The following DAB1 variants were observed in gnomAD, a reference collection of about 807,000 sequenced individuals.
The protein encoded by DAB1 is disabled homolog 1.
Under a neutral mutation model 64.6 loss-of-function variants are expected in DAB1, and 15 were observed. The observed-to-expected ratio is 0.23, with a 90% confidence interval of 0.16 to 0.36. The LOEUF is 0.36. Ranked by LOEUF, DAB1 falls within the 10% of genes least tolerant of loss-of-function variation. DAB1 has a pLI of 1.00. For synonymous variants in DAB1, 235 were observed against 251.9 expected, an observed-to-expected ratio of 0.93 and a Z score of 0.64; for missense variants, 596 against 706.7, an observed-to-expected ratio of 0.84 and a Z score of 1.78.
chr1:58,043,506 A>G (rs1647172249), intron 5 of DAB1, among the ~76,000 whole-genome samples: 1 of 151,986 alleles, frequency 6.6e-6, no homozygotes, highest in Non-Finnish European at 1.5e-5. Flanking sequence ...TTTCAATCTG[A>G]TCCATCTGAC....
intron 4 of DAB1, among the ~76,000 whole-genome samples, chr1:58,264,452 C>T (rs925334523): frequency 6.6e-6 from 1 of 152,106 alleles, no homozygotes; most frequent in Non-Finnish European, 1.5e-5. Flanking sequence ...TAATAGTGGC[C>T]GCTGTAACAA....
At chr1:58,451,117 T>C (rs1645131123) in intron 3 of DAB1, among the ~76,000 whole-genome samples, 1 of 152,216 alleles carries the variant, frequency 6.6e-6, no homozygotes, top group Non-Finnish European at 1.5e-5. Context: ...AGGGATATGA[T>C]TTTGCTCTGT....
intron 6 of DAB1, among the ~76,000 whole-genome samples, chr1:57,745,940 A>AT (rs1648243965): frequency 3.3e-5 from 5 of 152,162 alleles, no homozygotes; most frequent in Non-Finnish European, 7.4e-5. Context: ...CTTAAAGAAG[A>AT]TTTTCATGAA....
intron 5 of DAB1, among the ~76,000 whole-genome samples, chr1:58,091,488 C>T (rs1293449743): frequency 6.6e-6 from 1 of 151,974 alleles, no homozygotes; most frequent in South Asian, 2.1e-4. Context: ...CAATGATAAC[C>T]CTGTGAACTA....
chr1:57,737,770 A>G (rs1390921752), intron 6 of DAB1, among the ~76,000 whole-genome samples: 1 of 152,194 alleles, frequency 6.6e-6, no homozygotes, highest in Non-Finnish European at 1.5e-5. Context: ...GAAGAGTAGC[A>G]GGGAAGAGTA....
intron 5 of DAB1, chr1:58,056,194 G>A (rs1648071283): frequency 6.5e-7 from 1 of 1,533,412 alleles, no homozygotes; most frequent in Admixed American, 1.7e-5. Context: ...GGATGGGGGT[G>A]TTCGGTCCTT....
chr1:57,858,354 C>T (rs532332881), intron 1 of DAB1, among the ~76,000 whole-genome samples: 1 of 152,260 alleles, frequency 6.6e-6, no homozygotes, highest in East Asian at 1.9e-4. Context: ...CAACACCTTC[C>T]TCCCTTAATG....
At chr1:57,885,866 G>A (rs1430545243), upstream of DAB1, among the ~76,000 whole-genome samples, 1 of 151,966 alleles carries the variant, frequency 6.6e-6, no homozygotes, top group East Asian at 1.9e-4. Flanking sequence ...TATAATCCCA[G>A]GAAAAAGTTA....
At chr1:57,799,411 C>T (rs910384866) in intron 6 of DAB1, among the ~76,000 whole-genome samples, 2 of 152,012 alleles carry the variant, frequency 1.3e-5, no homozygotes, top group Admixed American at 6.6e-5. Context: ...GGATGGAACT[C>T]GCTGGGAATG....
At chr1:57,238,620 GTCCTTCCTGCA>G (rs1668263885) in intron 2 of DAB1, among the ~76,000 whole-genome samples, 1 of 152,078 alleles carries the variant, frequency 6.6e-6, no homozygotes, top group African/African-American at 2.4e-5. Flanking sequence ...TCCTCCAGAA[GTCCTTCCTGCA>G]TCCTAAGAGG....
chr1:57,276,029 C>G (rs1419288657), intron 2 of DAB1, among the ~76,000 whole-genome samples: 1 of 152,102 alleles, frequency 6.6e-6, no homozygotes, highest in Non-Finnish European at 1.5e-5. Flanking sequence ...GATCACTTAG[C>G]AAAATGATAA....
intron 6 of DAB1, among the ~76,000 whole-genome samples, chr1:57,757,758 G>A (rs12144171): frequency 0.18 from 26,690 of 151,958 alleles, 3,053 homozygotes; most frequent in Admixed American, 0.29. Context: ...CTTTTTTGGC[G>A]GGGACACAAT....
intron 1 of DAB1, among the ~76,000 whole-genome samples, chr1:57,312,804 T>G (rs1001761613): frequency 6.6e-6 from 1 of 152,120 alleles, no homozygotes; most frequent in African/African-American, 2.4e-5. Context: ...TGAGCAGCAG[T>G]GGAGTGTGCA....
At chr1:57,529,889 T>C (rs1468428713) in intron 7 of DAB1, among the ~76,000 whole-genome samples, 2 of 152,132 alleles carry the variant, frequency 1.3e-5, no homozygotes, top group Admixed American at 6.6e-5. Flanking sequence ...CATTTACCCA[T>C]GTCTCTTTCT....
At chr1:57,672,382 T>G (rs1300383750) in intron 6 of DAB1, among the ~76,000 whole-genome samples, 1 of 152,168 alleles carries the variant, frequency 6.6e-6, no homozygotes, top group East Asian at 1.9e-4. Flanking sequence ...CCAACTAATC[T>G]AGCTCCCTTG....
chr1:57,515,118 A>AAAAAGAAAAGAAAAGAAAAG (rs147543726), intron 7 of DAB1, among the ~76,000 whole-genome samples: 8 of 151,782 alleles, frequency 5.3e-5, no homozygotes, highest in African/African-American at 1.9e-4. Flanking sequence ...GAAAGAAAGA[A>AAAAAGAAAAGAAAAGAAAAG]AAAAGAAAAG....
intron 6 of DAB1, among the ~76,000 whole-genome samples, chr1:57,765,213 C>T (rs142152466): frequency 1.5e-3 from 227 of 152,148 alleles, no homozygotes; most frequent in African/African-American, 4.8e-3. Flanking sequence ...CTTTTAAACA[C>T]GCTATGTTTT....
chr1:57,178,389 T>C (rs929351892), intron 2 of DAB1, among the ~76,000 whole-genome samples: 2 of 152,050 alleles, frequency 1.3e-5, no homozygotes, highest in African/African-American at 4.8e-5. Flanking sequence ...CATATAATGG[T>C]TACTAAATCA....
intron 4 of DAB1, among the ~76,000 whole-genome samples, chr1:58,226,284 G>A (rs1450755940): frequency 6.6e-6 from 1 of 152,058 alleles, no homozygotes; most frequent in Non-Finnish European, 1.5e-5. Context: ...CAACAGATAT[G>A]TAATATCCTT....
Sources: gnomAD v4.1 joint callset for allele counts (sites outside exome capture counted in the v4.1 genomes callset) on GRCh38, gnomAD v4.1.1 for gene constraint, MANE v1.5 for transcripts, NCBI Gene and HGNC (gene_info 2026-07-23, HGNC 2026-07-21) for gene names.